Variants in ARHGEF3 observed in about 807,000 individuals in gnomAD.
ARHGEF3 encodes the protein Rho guanine nucleotide exchange factor 3, also known as 59.8 kDA protein.
In ARHGEF3, 28 loss-of-function variants were observed where a neutral mutation model predicts 63.2. The ratio of observed to expected loss-of-function variants is 0.44; its 90% confidence interval spans 0.33 to 0.61. ARHGEF3 has a LOEUF of 0.61. Among genes scored for constraint, ARHGEF3 ranks in the 20% least tolerant of loss-of-function variants. ARHGEF3 has a pLI of 0.03. For synonymous variants in ARHGEF3, 266 were observed against 254.2 expected (o/e 1.05, Z -0.44); for missense variants, 533 against 659.3 (o/e 0.81, Z 2.10).
intron 2 of ARHGEF3, among the ~76,000 whole-genome samples, chr3:57,004,545 G>C (rs1357048120): frequency 1.3e-5 from 2 of 152,224 alleles, no homozygotes; most frequent in African/African-American, 4.8e-5. Flanking sequence ...AGAGGCAGCA[G>C]CATCTTCAAT....
At chr3:56,972,859 C>T (rs1261357072) in intron 2 of ARHGEF3, among the ~76,000 whole-genome samples, 1 of 151,980 alleles carries the variant, frequency 6.6e-6, no homozygotes, top group African/African-American at 2.4e-5. Context: ...AAAAGGATTG[C>T]TGTCAATGTT....
At chr3:56,958,729 G>A (rs1162535755) in intron 3 of ARHGEF3, 1 of 1,356,584 alleles carries the variant, frequency 7.4e-7, no homozygotes, top group East Asian at 2.5e-5. Flanking sequence ...ACTTTGATTA[G>A]TAAAACCAAC....
chr3:56,749,881 CG>C (rs1175142081), intron 6 of ARHGEF3, among the ~76,000 whole-genome samples: 3 of 149,906 alleles, frequency 2.0e-5, no homozygotes, highest in South Asian at 2.1e-4. Flanking sequence ...CATTGAGAAA[CG>C]TAAGTTAAAA....
chr3:56,968,244 AT>A (rs1560094390), intron 2 of ARHGEF3, among the ~76,000 whole-genome samples: 1 of 43,388 alleles, frequency 2.3e-5, no homozygotes, highest in Non-Finnish European at 4.2e-5. Context: ...AAATATATAT[AT>A]TAATATATAA....
chr3:56,847,013 G>A (rs745410116), intron 4 of ARHGEF3, among the ~76,000 whole-genome samples: 7 of 152,196 alleles, frequency 4.6e-5, no homozygotes, highest in Non-Finnish European at 4.4e-5. Context: ...TAGGCACTTA[G>A]TAGTATTTAC....
chr3:56,968,258 T>TG (rs1491487154), intron 2 of ARHGEF3, among the ~76,000 whole-genome samples: 1 of 36,890 alleles, frequency 2.7e-5, no homozygotes, highest in African/African-American at 7.9e-5. Flanking sequence ...ATATATAATA[T>TG]TTAAATATAT....
chr3:56,955,915 G>C (rs1343280691), intron 3 of ARHGEF3, among the ~76,000 whole-genome samples: 1 of 152,246 alleles, frequency 6.6e-6, no homozygotes, highest in Non-Finnish European at 1.5e-5. Flanking sequence ...CTGAGGCAAA[G>C]AGAGATCAGT....
At chr3:56,886,806 T>C (rs2040940145) in intron 3 of ARHGEF3, among the ~76,000 whole-genome samples, 1 of 152,156 alleles carries the variant, frequency 6.6e-6, no homozygotes, top group Non-Finnish European at 1.5e-5. Flanking sequence ...GAGTAGGAGA[T>C]GAAGGCTCAA....
At chr3:56,856,239 A>T (rs943961187) in intron 4 of ARHGEF3, among the ~76,000 whole-genome samples, 1 of 152,220 alleles carries the variant, frequency 6.6e-6, no homozygotes, top group African/African-American at 2.4e-5. Flanking sequence ...GAGGGATAAT[A>T]AGAGGAACAG....
intron 3 of ARHGEF3, among the ~76,000 whole-genome samples, chr3:56,901,288 C>T (rs916474116): frequency 3.3e-5 from 5 of 151,882 alleles, no homozygotes; most frequent in African/African-American, 1.2e-4. Context: ...TCAGAAGGAC[C>T]ACTGACAAAT....
chr3:57,024,840 T>C (rs1324601440), intron 2 of ARHGEF3, among the ~76,000 whole-genome samples: 1 of 152,270 alleles, frequency 6.6e-6, no homozygotes, highest in African/African-American at 2.4e-5. Context: ...GTTAGAATTA[T>C]GGTCAATATA....
intron 2 of ARHGEF3, among the ~76,000 whole-genome samples, chr3:56,985,578 A>T (rs1185546117): frequency 6.6e-6 from 1 of 152,200 alleles, no homozygotes; most frequent in Non-Finnish European, 1.5e-5. Context: ...CATGTATTCC[A>T]CAGACAGGTG....
intron 2 of ARHGEF3, among the ~76,000 whole-genome samples, chr3:56,976,166 C>T (rs999533643): frequency 2.0e-5 from 3 of 151,922 alleles, no homozygotes; most frequent in East Asian, 1.9e-4. Flanking sequence ...CTCAGCCTCC[C>T]GAGTACCTGG....
intron 3 of ARHGEF3, among the ~76,000 whole-genome samples, chr3:56,932,815 T>C (rs1231953857): frequency 1.3e-5 from 2 of 152,256 alleles, no homozygotes; most frequent in African/African-American, 4.8e-5. Context: ...TCACTTAAAA[T>C]GCTAATTCTG....
At chr3:57,056,401 A>AAAG (rs1704939379) in intron 1 of ARHGEF3, among the ~76,000 whole-genome samples, 1 of 151,104 alleles carries the variant, frequency 6.6e-6, no homozygotes, top group Non-Finnish European at 1.5e-5. Context: ...AAAAAAAAAA[A>AAAG]AAGAAGCAGA....
At chr3:57,057,547 G>A (rs9830791) in intron 1 of ARHGEF3, among the ~76,000 whole-genome samples, 75,545 of 151,870 alleles carry the variant, frequency 0.5, 19,058 homozygotes, top group East Asian at 0.61. Context: ...AGTCTGAGCC[G>A]GTCTTAGCCA....
rs75525574 is a variant in ARHGEF3, at chr3:56,816,984, G to C, written c.193-43168C>G. On this transcript the variant is annotated intron_variant, in intron 4 of 12. Transcript: ENST00000338458. Reference sequence around the variant, plus strand: ...ACGTTTTTGCTCACCAGCTTCCCCTGCTGATCAATCAGGGGGTTGGATGCT... The same window carrying C: ...ACGTTTTTGCTCACCAGCTTCCCCTCCTGATCAATCAGGGGGTTGGATGCT... 9.8e-3 allele frequency among the ~76,000 whole-genome samples: 1,493 copies of C among 152,328 alleles called. 70 individuals are homozygous for C. Among genetic ancestry groups the C allele is most frequent in the East Asian group, 0.087 (453 of 5,178 alleles).
chr3:57,070,971 C>T (rs75077520), intron 1 of ARHGEF3, among the ~76,000 whole-genome samples: 1 of 49,686 alleles, frequency 2.0e-5, no homozygotes, highest in Non-Finnish European at 4.5e-5. Context: ...GACTCTGTCA[C>T]AAAAAAAAAA....
Position 56,980,313 on chromosome 3 carries a change from TATTA to T in ARHGEF3, c.63-21428_63-21425del, listed in dbSNP as rs774280895. ...ACATTAGCCTACAACTGGGCAAAAT[TATTA>T]AACACAAAGCCTGTTTTGTAATACA... On this transcript the variant is annotated intron_variant, in intron 2 of 12. Transcript: ENST00000338458. Among the ~76,000 whole-genome samples, 523 of 152,308 alleles carry T rather than the reference TATTA, an allele frequency of 3.4e-3. 2 individuals carry two copies. The highest frequency in any genetic ancestry group is 3.9e-3 in the Non-Finnish European group (263 of 68,038).
Sources: allele counts gnomAD v4.1 joint callset (sites outside exome capture counted in the v4.1 genomes callset), GRCh38; gene constraint gnomAD v4.1.1; transcripts MANE v1.5; gene names NCBI Gene and HGNC (gene_info 2026-07-23, HGNC 2026-07-21).